DHX29: variants seen among roughly 807,000 people sequenced by gnomAD.
DHX29 encodes the protein ATP-dependent RNA helicase DHX29.
DHX29 carries 79 observed loss-of-function variants against 167.9 expected under a neutral mutation model. That is an observed-to-expected ratio of 0.47 (90% CI 0.39 to 0.57). The LOEUF is 0.57. Among genes scored for constraint, DHX29 ranks in the 20% least tolerant of loss-of-function variants. The pLI, the probability that DHX29 is intolerant of heterozygous loss-of-function variation, is 0.00. For synonymous variants in DHX29, 530 were observed against 546.0 expected, an observed-to-expected ratio of 0.97 and a Z score of 0.41; for missense variants, 1,347 against 1,593.4, an observed-to-expected ratio of 0.85 and a Z score of 2.63.
chr5:55,304,536 G>A (rs1027314751), intron 1 of DHX29, among the ~76,000 whole-genome samples: 4 of 151,562 alleles, frequency 2.6e-5, no homozygotes, highest in East Asian at 1.9e-4. Flanking sequence ...TCCTGACCTC[G>A]TGATCCGCCT....
intron 8 of DHX29, among the ~76,000 whole-genome samples, chr5:55,286,254 A>C (rs1378271913): frequency 7.1e-6 from 1 of 141,456 alleles, no homozygotes; most frequent in East Asian, 2.0e-4. Context: ...ACTCCGTCTC[A>C]AAAAAAAAAA....
chr5:55,274,653 T>C lies in DHX29; in HGVS notation c.2651A>G (p.Tyr884Cys). 2 of 1,604,776 alleles carry C rather than the reference T, an allele frequency of 1.2e-6. No homozygotes were observed. The highest frequency in any genetic ancestry group is 2.2e-5 in the East Asian group (1 of 44,676). The change falls in exon 16 of 27, where the codon TAT (tyrosine) becomes TGT (cysteine). Residue 884 changes from tyrosine to cysteine, a missense_variant. Around this residue, in one of 3 missense-constraint regions of DHX29, gnomAD observed 882 missense variants for 1,082.4 expected, o/e 0.81. Transcript: ENST00000251636. ...TCTTCTATCATTTGATAGAAGATCA[T>C]ACAACTGCTGAATATGAGCAAGTCC... ...LPGLAHIQQL[Y>C]DLLSNDRRFY...
At chr5:55,277,501 T>C (rs915943231) in intron 12 of DHX29, among the ~76,000 whole-genome samples, 2 of 151,672 alleles carry the variant, frequency 1.3e-5, no homozygotes, top group Admixed American at 6.6e-5. Context: ...GAAAATCATA[T>C]AGTGAACTAG....
At chr5:55,269,825 G>GT (rs1746763950) in intron 20 of DHX29, among the ~76,000 whole-genome samples, 188 bp from the exon 21 acceptor site, 1 of 151,784 alleles carries the variant, frequency 6.6e-6, no homozygotes. Context: ...GTGTATGAGT[G>GT]TATGTGTGTG....
chr5:55,290,420 T>C, intron 6 of DHX29, 76 bp from the exon 7 acceptor site: 1 of 1,423,204 alleles, frequency 7.0e-7, no homozygotes, highest in Non-Finnish European at 9.3e-7. Flanking sequence ...CAATAAACTG[T>C]ATCAAAATCT....
At chr5:55,290,951 G>C (rs1748013316) in intron 6 of DHX29, among the ~76,000 whole-genome samples, 1 of 152,152 alleles carries the variant, frequency 6.6e-6, no homozygotes, top group Admixed American at 6.5e-5. Flanking sequence ...GGAGGCAGAG[G>C]CTGCAGTGAG....
intron 26 of DHX29, among the ~76,000 whole-genome samples, chr5:55,258,644 G>C (rs1019503000): frequency 1.3e-5 from 2 of 152,162 alleles, no homozygotes; most frequent in African/African-American, 4.8e-5. Context: ...CTGTCACCCA[G>C]ACTGGAGTGC....
In DHX29 at chr5:55,269,402, G is replaced by A; in HGVS notation, c.3294+11C>T. 1 of 1,610,096 alleles carries A rather than the reference G, an allele frequency of 6.2e-7. No homozygotes were observed. Among genetic ancestry groups the A allele is most frequent in the South Asian group, 1.1e-5 (1 of 90,930 alleles). ...TTTAAAGTAAAGAAGCAGCAGCATT[G>A]TTTGACTTACCACTGGGTCAAGGCA... On this transcript the variant is annotated intron_variant, in intron 21 of 26. Coordinates refer to ENST00000251636, the MANE Select transcript of DHX29 (RefSeq NM_019030.4).
At chr5:55,266,848 G>A (rs1746602727) in intron 23 of DHX29, among the ~76,000 whole-genome samples, 1 of 152,050 alleles carries the variant, frequency 6.6e-6, no homozygotes, top group Non-Finnish European at 1.5e-5. Context: ...CTCCTGGCCT[G>A]AAGCCATCTT....
chr5:55,290,958 T>C (rs1043918184), intron 6 of DHX29, among the ~76,000 whole-genome samples: 1 of 152,140 alleles, frequency 6.6e-6, no homozygotes, highest in African/African-American at 2.4e-5. Context: ...GAGGCTGCAG[T>C]GAGCTGAGAT....
At chr5:55,267,054 G>T in intron 23 of DHX29, 84 bp downstream of exon 23, 2 of 845,750 alleles carry the variant, frequency 2.4e-6, no homozygotes, top group Non-Finnish European at 1.9e-6. Context: ...TATGTGACAA[G>T]TATTTTCCTA....
At chr5:55,294,656 G>A (rs564026401) in intron 5 of DHX29, among the ~76,000 whole-genome samples, 2 of 152,304 alleles carry the variant, frequency 1.3e-5, no homozygotes, top group East Asian at 3.9e-4. Context: ...TCCAGCCTGG[G>A]CAACAGAGCA....
chr5:55,287,206 C>T (rs1174148363), intron 8 of DHX29, among the ~76,000 whole-genome samples: 1 of 152,166 alleles, frequency 6.6e-6, no homozygotes, highest in Non-Finnish European at 1.5e-5. Flanking sequence ...CTCTGGGAGC[C>T]GAGGTGGGTG....
At chr5:55,295,305 T>C (rs1254888623) in intron 5 of DHX29, 74 bp downstream of exon 5, 3 of 1,155,046 alleles carry the variant, frequency 2.6e-6, no homozygotes, top group Admixed American at 4.2e-5. Flanking sequence ...AAACCTAATA[T>C]TTATACTCTT....
chr5:55,287,520 AAACT>A (rs534965707), intron 8 of DHX29, among the ~76,000 whole-genome samples: 226 of 152,336 alleles, frequency 1.5e-3, no homozygotes, highest in African/African-American at 5.2e-3. Flanking sequence ...GTGTGGGACT[AAACT>A]AACTATAATG....
chr5:55,272,118 C>T lies in DHX29; in HGVS notation c.2833G>A (p.Val945Ile). The change falls in exon 18 of 27, where the codon GTA (valine) becomes ATA (isoleucine). Residue 945 changes from valine (V) to isoleucine (I), a missense_variant. By Grantham distance (29) the Val-to-Ile change is conservative. Around this residue, in one of 3 missense-constraint regions of DHX29, gnomAD observed 882 missense variants for 1,082.4 expected, o/e 0.81. Transcript: ENST00000251636. Reference sequence around the variant, plus strand: ...TCTTTTGTTCTTCCAGTATCAATTACAAATACAACATCAGGAATAGTGATA... The same window carrying T: ...TCTTTTGTTCTTCCAGTATCAATTATAAATACAACATCAGGAATAGTGATA... Reference protein sequence around the residue: ...TGITIPDVVFVIDTGRTKENK... With the variant: ...TGITIPDVVFIIDTGRTKENK... 6.3e-7 allele frequency: 1 copy of T among 1,582,822 alleles called. No homozygotes were observed.
intron 10 of DHX29, 59 bp from the exon 11 acceptor site, chr5:55,283,870 G>A (rs1747578040): frequency 7.1e-7 from 1 of 1,405,224 alleles, no homozygotes; most frequent in Non-Finnish European, 9.5e-7. Context: ...AAATTCAATA[G>A]ATTAGCACTT....
intron 5 of DHX29, 136 bp from the exon 6 acceptor site, chr5:55,294,281 G>T: frequency 2.4e-6 from 2 of 827,488 alleles, no homozygotes; most frequent in Middle Eastern, 2.9e-4. Flanking sequence ...GCTCAGTGAA[G>T]GACAAATAAA....
intron 14 of DHX29, among the ~76,000 whole-genome samples, chr5:55,275,653 T>G (rs776825985): frequency 2.0e-4 from 30 of 152,156 alleles, no homozygotes; most frequent in Admixed American, 6.5e-5. Flanking sequence ...GATAACATTG[T>G]TTTTGTGATA....
Sources: allele counts gnomAD v4.1 joint callset (sites outside exome capture counted in the v4.1 genomes callset), GRCh38; gene constraint gnomAD v4.1.1; regional missense constraint gnomAD v4.1.1; transcripts MANE v1.5; gene names NCBI Gene and HGNC (gene_info 2026-07-23, HGNC 2026-07-21).